The following SCUBE1 variants were observed in gnomAD, a reference collection of about 807,000 sequenced individuals.
The protein encoded by SCUBE1 is signal peptide, CUB domain and EGF like domain containing 1, also known as signal peptide, CUB and EGF-like domain-containing protein 1.
Under a neutral mutation model 124.4 loss-of-function variants are expected in SCUBE1, and 59 were observed. The ratio of observed to expected loss-of-function variants is 0.47; its 90% CI spans 0.38 to 0.59. The LOEUF is 0.59. SCUBE1 is among the 20% of genes least tolerant of loss of function. The pLI, the probability that SCUBE1 is intolerant of heterozygous loss-of-function variation, is 0.00. For synonymous variants in SCUBE1, 545 were observed against 550.9 expected (o/e 0.99, Z 0.15); for missense variants, 1,150 against 1,371.2 (o/e 0.84, Z 2.55).
At chr22:43,311,067 C>T (rs1015670703) in intron 3 of SCUBE1, among the ~76,000 whole-genome samples, 1 of 152,216 alleles carries the variant, frequency 6.6e-6, no homozygotes, top group Non-Finnish European at 1.5e-5. Flanking sequence ...GTGTGAGCCA[C>T]CAAGCCTGGC....
chr22:43,341,243 G>A (rs1601906491), intron 1 of SCUBE1, among the ~76,000 whole-genome samples: 1 of 152,230 alleles, frequency 6.6e-6, no homozygotes, highest in East Asian at 1.9e-4. Flanking sequence ...ACTGGAGGGG[G>A]CCCAGCCGGC....
At chr22:43,208,874 T>A (rs1218824476) in intron 19 of SCUBE1, among the ~76,000 whole-genome samples, 1 of 152,160 alleles carries the variant, frequency 6.6e-6, no homozygotes, top group Non-Finnish European at 1.5e-5. Flanking sequence ...CTGCCCAGCC[T>A]CTCCCCGCTT....
intron 2 of SCUBE1, among the ~76,000 whole-genome samples, chr22:43,334,421 G>C (rs1473467539): frequency 6.6e-6 from 1 of 152,130 alleles, no homozygotes; most frequent in Non-Finnish European, 1.5e-5. Flanking sequence ...AACCATTTTA[G>C]GTCCCAGGAA....
At chr22:43,280,657 CT>C (rs899101296) in intron 4 of SCUBE1, among the ~76,000 whole-genome samples, 7 of 150,804 alleles carry the variant, frequency 4.6e-5, no homozygotes, top group Non-Finnish European at 7.4e-5. Context: ...CCAACTTCCC[CT>C]ATCAGCCCTC....
At chr22:43,289,678 A>T (rs1337577277) in intron 4 of SCUBE1, among the ~76,000 whole-genome samples, 5 of 152,188 alleles carry the variant, frequency 3.3e-5, no homozygotes, top group African/African-American at 1.2e-4. Context: ...GGGAGGCTGG[A>T]ACCTCATCCC....
At chr22:43,231,619 T>A in intron 8 of SCUBE1, 134 bp downstream of exon 8, 4 of 1,103,362 alleles carry the variant, frequency 3.6e-6, no homozygotes, top group Non-Finnish European at 5.1e-6. Context: ...CCTAGAGTCG[T>A]AAAGGACCCC....
rs1276798728 is a variant in SCUBE1, at chr22:43,281,562, T to TTCA, written c.484+9483_484+9484insTGA. On this transcript the variant is annotated intron_variant, in intron 4 of 21. Coordinates refer to ENST00000360835, the MANE Select transcript of SCUBE1 (RefSeq NM_173050.5). ...CAGTCACCCTCCTGTCACCTCCCCC[T>TTCA]CAGCCACCCTCCTGTCACCTCCCTT... 8.6e-4 allele frequency among the ~76,000 whole-genome samples: 111 copies of TTCA among 129,274 alleles called. 7 individuals are homozygous for TTCA. In the East Asian group the frequency reaches 0.014, roughly 16 times the overall value. 84.8% of individuals were successfully genotyped at this position (129,274 alleles called of 152,430 possible).
chr22:43,333,151 G>A (rs932903036), intron 2 of SCUBE1, among the ~76,000 whole-genome samples: 4 of 152,210 alleles, frequency 2.6e-5, no homozygotes, highest in African/African-American at 9.6e-5. Flanking sequence ...TGTCACTCAC[G>A]GGGACTGCCT....
At chr22:43,212,631 C>A (rs1417500176) in intron 16 of SCUBE1, 39 bp from the exon 17 acceptor site, 1 of 1,543,122 alleles carries the variant, frequency 6.5e-7, no homozygotes, top group Admixed American at 2.0e-5. Flanking sequence ...GGCAGGAGGG[C>A]ACCGCAGGGC....
chr22:43,268,593 T>C (rs1027002596), intron 4 of SCUBE1, among the ~76,000 whole-genome samples: 2 of 152,234 alleles, frequency 1.3e-5, no homozygotes, highest in African/African-American at 4.8e-5. Context: ...CAGGTCCACA[T>C]TCAGGCTGCC....
Position 43,218,278 on chromosome 22 carries a change from T to G in SCUBE1, c.1868A>C (p.Gln623Pro). 1 of 1,613,208 alleles carries G rather than the reference T, an allele frequency of 6.2e-7. No homozygotes were observed. The highest frequency in any genetic ancestry group is 1.1e-5 in the South Asian group (1 of 91,090). ...ACCGCATTTGCTGTCCTGTAGCACCTGGCCTGCGCCACATGCCCCCTGCCC... is the reference window on the plus strand; with the variant it reads ...ACCGCATTTGCTGTCCTGTAGCACCGGGCCTGCGCCACATGCCCCCTGCCC... The part of the protein sequence containing the change: ...LEGQGACGAG[Q>P]VLQDSKCVAC... Residue 623 changes from glutamine to proline, a missense_variant, in exon 15 of 22, where the codon CAG (glutamine) becomes CCG (proline). Physicochemically the swap from Gln to Pro is moderately conservative, Grantham distance 76. Around this residue, in one of 3 missense-constraint regions of SCUBE1, gnomAD observed 757 missense variants for 840.9 expected, o/e 0.90. Transcript: ENST00000360835.
Position 43,238,851 on chromosome 22 carries a change from C to T in SCUBE1, c.831G>A (p.Gly277=). 1 of 1,613,128 alleles carries T rather than the reference C, an allele frequency of 6.2e-7. No homozygotes were observed. Among genetic ancestry groups the T allele is most frequent in the African/African-American group, 1.3e-5 (1 of 75,064 alleles). The change falls in exon 7 of 22, where the codon GGG becomes GGA. Residue 277 remains glycine, a synonymous_variant. Coordinates refer to ENST00000360835, the MANE Select transcript of SCUBE1 (RefSeq NM_173050.5). Reference sequence around the variant, plus strand: ...CCACATGCTGACCTTTGCATGTCTTCCCGTCCGGCTGCAGTGTGAATCCAA... The same window carrying T: ...CCACATGCTGACCTTTGCATGTCTTTCCGTCCGGCTGCAGTGTGAATCCAA... ...CPVGFTLQPD[G]KTCKDINECL...
intron 2 of SCUBE1, among the ~76,000 whole-genome samples, chr22:43,321,103 A>C (rs561012309): frequency 2.0e-4 from 31 of 152,322 alleles, no homozygotes; most frequent in African/African-American, 5.8e-4. Flanking sequence ...GGGGAACTGG[A>C]ACCGGAACCG....
intron 3 of SCUBE1, among the ~76,000 whole-genome samples, chr22:43,304,183 C>G (rs1257714227): frequency 6.6e-6 from 1 of 152,250 alleles, no homozygotes; most frequent in East Asian, 1.9e-4. Context: ...ATACAACTGA[C>G]TGACTCTCCT....
intron 3 of SCUBE1, among the ~76,000 whole-genome samples, chr22:43,315,265 T>C (rs1237454119): frequency 6.6e-6 from 1 of 151,330 alleles, no homozygotes; most frequent in Non-Finnish European, 1.5e-5. Flanking sequence ...CCGAGACAAG[T>C]ATTACTGACC....
intron 4 of SCUBE1, among the ~76,000 whole-genome samples, chr22:43,270,961 CCTT>C (rs1316209405): frequency 1.3e-5 from 2 of 152,204 alleles, no homozygotes; most frequent in Non-Finnish European, 2.9e-5. Flanking sequence ...GCTGACTTGT[CCTT>C]CTTCGAGCCC....
At chr22:43,244,170 A>C (rs1038255404) in intron 6 of SCUBE1, among the ~76,000 whole-genome samples, 2 of 151,706 alleles carry the variant, frequency 1.3e-5, no homozygotes. Context: ...CTCCCAGCCC[A>C]TGCCCCGCCA....
In SCUBE1 at chr22:43,210,992, G is replaced by T; in HGVS notation, c.2313C>A (p.Asn771Lys). The T allele has an allele frequency of 6.2e-7, 1 of 1,614,164 alleles. No homozygotes were observed. Among genetic ancestry groups the T allele is most frequent in the Non-Finnish European group, 8.5e-7 (1 of 1,180,040 alleles). Reference sequence around the variant, plus strand: ...TGTTGCCCGGACAGGTGATGCAGTGGTTCTGGCCAAACTCGGGCTGGTAGG... The same window carrying T: ...TGTTGCCCGGACAGGTGATGCAGTGTTTCTGGCCAAACTCGGGCTGGTAGG... ...VGTYQPEFGQ[N>K]HCITCPGNTS... Residue 771 changes from asparagine to lysine, a missense_variant, in exon 18 of 22, where the codon AAC becomes AAA. Asn to Lys is a moderately conservative substitution (Grantham distance 94, BLOSUM62 0). Around this residue, in one of 3 missense-constraint regions of SCUBE1, gnomAD observed 757 missense variants for 840.9 expected, o/e 0.90. Transcript: ENST00000360835. This position sits in a 1 kb window ranked among gnomAD's most constrained non-coding sequence, Gnocchi z 4.5.
intron 8 of SCUBE1, 66 bp from the exon 9 acceptor site, chr22:43,229,254 G>A: frequency 9.9e-7 from 1 of 1,014,834 alleles, no homozygotes; most frequent in East Asian, 2.4e-5. Context: ...GGCACGGCCT[G>A]TCACTCTCAG....
Sources: gnomAD v4.1 joint callset for allele counts (sites outside exome capture counted in the v4.1 genomes callset) on GRCh38, gnomAD v4.1.1 for gene constraint, gnomAD v4.1.1 regional missense constraint, Gnocchi (gnomAD v3.1) non-coding constraint, MANE v1.5 for transcripts, NCBI Gene and HGNC (gene_info 2026-07-23, HGNC 2026-07-21) for gene names.